Variants in CYFIP2 observed in about 807,000 individuals in gnomAD.
CYFIP2 encodes the protein cytoplasmic FMR1-interacting protein 2.
A neutral mutation model predicts 158.7 loss-of-function variants in CYFIP2; 29 were observed. The ratio of observed to expected loss-of-function variants is 0.18; its 90% CI spans 0.14 to 0.25. The LOEUF is 0.25. Ranked by LOEUF, CYFIP2 falls within the 10% of genes least tolerant of loss-of-function variation. The pLI is 1.00. For missense variants in CYFIP2, 852 were observed against 1,639.5 expected, an observed-to-expected ratio of 0.52 and a Z score of 8.29; for synonymous variants, 585 against 617.6, an observed-to-expected ratio of 0.95 and a Z score of 0.78.
At position 157,281,845 on chromosome 5, in the gene CYFIP2, A is replaced by G. The variant is rs368165142; in HGVS notation, c.-23-3494A>G. Among the ~76,000 whole-genome samples, 481 of 152,246 alleles carry G rather than the reference A, an allele frequency of 3.2e-3. 1 individual carries two copies. Among genetic ancestry groups the G allele is most frequent in the South Asian group, 0.023 (111 of 4,828 alleles). ...TTTTCCTGTTTTCCATAGGTAACTAATTTTTAAAAGCATATGGCTTGCCTT... is the reference window on the plus strand; with the variant it reads ...TTTTCCTGTTTTCCATAGGTAACTAGTTTTTAAAAGCATATGGCTTGCCTT... On this transcript the variant is annotated intron_variant, in intron 1 of 30. Coordinates refer to ENST00000620254, the MANE Select transcript of CYFIP2 (RefSeq NM_001037333.3).
At chr5:157,274,497 G>GC (rs1285282318) in intron 1 of CYFIP2, among the ~76,000 whole-genome samples, 1 of 152,052 alleles carries the variant, frequency 6.6e-6, no homozygotes, top group Non-Finnish European at 1.5e-5. Flanking sequence ...TGTTAGTTCT[G>GC]CTTTTTAGCT....
At chr5:157,388,002 G>A (rs1561792109) in intron 28 of CYFIP2, among the ~76,000 whole-genome samples, 1 of 152,178 alleles carries the variant, frequency 6.6e-6, no homozygotes, top group Non-Finnish European at 1.5e-5. Flanking sequence ...CCTCCAGGGA[G>A]TGAGCTTCCG....
Position 157,311,909 on chromosome 5 carries a change from T to A in CYFIP2, c.1110+128T>A. ...AAGGGAGGGAGGCAGGAGGGTAAAGTGGCCAACAGCAGGGGTTTTGGAGCC... is the reference window on the plus strand; with the variant it reads ...AAGGGAGGGAGGCAGGAGGGTAAAGAGGCCAACAGCAGGGGTTTTGGAGCC... On this transcript the variant is annotated intron_variant, in intron 11 of 30. Coordinates refer to ENST00000620254, the MANE Select transcript of CYFIP2 (RefSeq NM_001037333.3). The surrounding 1 kb of genome is among the most constrained non-coding windows in gnomAD (Gnocchi z 4.7). The A allele has an allele frequency of 1.2e-6, 1 of 843,772 alleles. No homozygotes were observed. The allele number at this position is 843,772 out of a possible 1,614,324, so 52.3% of individuals were successfully genotyped here. A position where few individuals can be genotyped will look rare whatever the true frequency, so the allele number is the denominator to read the frequency against.
At chr5:157,326,677 G>A (rs1197148234) in intron 18 of CYFIP2, among the ~76,000 whole-genome samples, 5 of 152,188 alleles carry the variant, frequency 3.3e-5, no homozygotes, top group African/African-American at 7.2e-5. Context: ...GGCTTGAGCC[G>A]CCTGTAGAAG....
chr5:157,372,772 G>A (rs1765110268), intron 26 of CYFIP2, among the ~76,000 whole-genome samples: 1 of 152,138 alleles, frequency 6.6e-6, no homozygotes, highest in African/African-American at 2.4e-5. Context: ...ATGAAGCCAG[G>A]GAAGCTGGCC....
At chr5:157,377,592 C>T (rs1339748984) in intron 26 of CYFIP2, among the ~76,000 whole-genome samples, 4 of 152,210 alleles carry the variant, frequency 2.6e-5, no homozygotes, top group Non-Finnish European at 5.9e-5. Context: ...GGTTGTGCAT[C>T]TGGTCTCCCT....
intron 1 of CYFIP2, among the ~76,000 whole-genome samples, chr5:157,269,777 C>T (rs1211579672): frequency 1.3e-5 from 2 of 152,202 alleles, no homozygotes; most frequent in Non-Finnish European, 2.9e-5. Context: ...AGCTTAAAGG[C>T]ACTTTGTGAT....
At chr5:157,367,635 A>G (rs1764513502) in intron 26 of CYFIP2, among the ~76,000 whole-genome samples, 1 of 152,062 alleles carries the variant, frequency 6.6e-6, no homozygotes. Context: ...TCTACCTTTT[A>G]ATGTCTTTCC....
intron 26 of CYFIP2, chr5:157,364,394 A>C (rs957010987): frequency 6.6e-6 from 1 of 152,208 alleles, no homozygotes. Context: ...ACTCACATGT[A>C]TCACTGAGGA....
chr5:157,330,898 C>T (rs1020553711), intron 20 of CYFIP2, 48 bp downstream of exon 20: 1 of 1,433,202 alleles, frequency 7.0e-7, no homozygotes, highest in East Asian at 2.3e-5. Flanking sequence ...CAGGAGAGAG[C>T]AGCTGCGAAG....
At position 157,311,745 on chromosome 5, in the gene CYFIP2, C is replaced by T; in HGVS notation, c.1074C>T (p.Arg358=). 1 of 1,606,206 alleles carries T rather than the reference C, an allele frequency of 6.2e-7. No homozygotes were observed. Residue 358 remains arginine (R), a synonymous_variant, in exon 11 of 31, where the codon CGC becomes CGT. Transcript: ENST00000620254. The surrounding 1 kb of genome is among the most constrained non-coding windows in gnomAD (Gnocchi z 4.7). ...QMVQIRDDHI[R]FISELARYSN... The stretch of plus-strand genomic sequence containing the variant: ...TTCAGATCCGGGATGACCACATCCG[C>T]TTCATCTCCGAGCTCGCTCGCTACA...
At chr5:157,330,213 G>A (rs73304163) in intron 19 of CYFIP2, among the ~76,000 whole-genome samples, 3,097 of 151,094 alleles carry the variant, frequency 0.02, 116 homozygotes, top group African/African-American at 0.072. Context: ...AACACTCTCA[G>A]CTCATAGGGT....
intron 23 of CYFIP2, chr5:157,343,518 T>TC: frequency 6.4e-7 from 1 of 1,568,140 alleles, no homozygotes; most frequent in East Asian, 2.3e-5. Context: ...TAAGAAATGT[T>TC]CCCCACCTCG....
intron 21 of CYFIP2, among the ~76,000 whole-genome samples, chr5:157,334,359 G>A (rs1376826644): frequency 3.3e-5 from 5 of 152,166 alleles, no homozygotes; most frequent in Admixed American, 1.3e-4. Flanking sequence ...GTGAATGTAC[G>A]TAATGCCGCA....
At chr5:157,389,633 C>T (rs776813779) in intron 29 of CYFIP2, 6 of 557,290 alleles carry the variant, frequency 1.1e-5, no homozygotes, top group Middle Eastern at 4.7e-4. Flanking sequence ...GCCTGCCTCA[C>T]CCCCACTACA....
At chr5:157,336,310 G>A (rs575520954) in intron 21 of CYFIP2, among the ~76,000 whole-genome samples, 2 of 152,182 alleles carry the variant, frequency 1.3e-5, no homozygotes, top group Non-Finnish European at 2.9e-5. Context: ...CGGGCAGCCC[G>A]CAGGCTGTGT....
intron 23 of CYFIP2, chr5:157,343,613 C>G (rs1762463276): frequency 4.1e-6 from 5 of 1,218,064 alleles, no homozygotes; most frequent in Non-Finnish European, 1.1e-6. Flanking sequence ...ATCATAGCCA[C>G]CATTTATTGC....
chr5:157,359,116 A>T lies in CYFIP2; in HGVS notation c.2785A>T (p.Met929Leu). The T allele has an allele frequency of 1.2e-6, 2 of 1,614,018 alleles. No homozygotes were observed. The highest frequency in any genetic ancestry group is 1.7e-6 in the Non-Finnish European group (2 of 1,179,874). Residue 929 changes from methionine to leucine, a missense_variant, in exon 24 of 31, where the codon ATG becomes TTG. Met to Leu is a conservative substitution (Grantham distance 15, BLOSUM62 2). Coordinates refer to ENST00000620254, the MANE Select transcript of CYFIP2 (RefSeq NM_001037333.3). The stretch of plus-strand genomic sequence containing the variant: ...GGGTTATCAGGGCATCGCTGTGGTC[A>T]TGGAGGAACTGCTAAAGATTGTGAA... ...LLGYQGIAVV[M>L]EELLKIVKSL... is the part of the protein sequence containing the mutation.
chr5:157,309,197 CA>C (rs1759496876), intron 9 of CYFIP2, among the ~76,000 whole-genome samples: 1 of 152,202 alleles, frequency 6.6e-6, no homozygotes, highest in African/African-American at 2.4e-5. Flanking sequence ...AAGTGCTTGG[CA>C]TAGTACCTAG....
Sources: gnomAD v4.1 joint callset for allele counts (sites outside exome capture counted in the v4.1 genomes callset) on GRCh38, gnomAD v4.1.1 for gene constraint, Gnocchi (gnomAD v3.1) non-coding constraint, MANE v1.5 for transcripts, NCBI Gene and HGNC (gene_info 2026-07-23, HGNC 2026-07-21) for gene names.